Variants in FTCDNL1 observed in about 807,000 individuals in gnomAD.
The protein encoded by FTCDNL1 is formiminotransferase N-terminal subdomain-containing protein.
Under a neutral mutation model 5.9 loss-of-function variants are expected in FTCDNL1, and 11 were observed. That is an observed-to-expected ratio of 1.87 (90% CI 1.18 to 3.10). The LOEUF (loss-of-function observed/expected upper bound fraction) is 3.10. FTCDNL1 is among the 30% of genes most tolerant of loss of function. The pLI, the probability that FTCDNL1 is intolerant of heterozygous loss-of-function variation, is 0.00. For missense variants in FTCDNL1, 115 were observed against 65.5 expected, an observed-to-expected ratio of 1.76 and a Z score of -2.61; for synonymous variants, 58 against 24.8, an observed-to-expected ratio of 2.34 and a Z score of -3.99.
At position 199,812,587 on chromosome 2, in the gene FTCDNL1, C is replaced by A; in HGVS notation, c.*118G>T. On this transcript the variant is annotated 3_prime_UTR_variant, in exon 5 of 5. Transcript: ENST00000420128. ...AGAAACCTGATGTGAAAGTTTGTTTCTCAGTTTGCAGTTTCGCTCCACTCC... is the reference window on the plus strand; with the variant it reads ...AGAAACCTGATGTGAAAGTTTGTTTATCAGTTTGCAGTTTCGCTCCACTCC... 1 of 491,488 alleles carries A rather than the reference C, an allele frequency of 2.0e-6. No homozygotes were observed. The allele number at this position is 491,488 out of a possible 1,614,324, so 30.4% of individuals were successfully genotyped here. A position where few individuals can be genotyped will look rare whatever the true frequency, so the allele number is the denominator to read the frequency against.
the FTCDNL1 span, among the ~76,000 whole-genome samples, chr2:199,754,575 T>C: frequency 6.6e-6 from 1 of 152,160 alleles, no homozygotes; most frequent in Non-Finnish European, 1.5e-5. Flanking sequence ...ATTTAAGTCG[T>C]TATTTTAAGC....
intron 3 of FTCDNL1, among the ~76,000 whole-genome samples, chr2:199,830,637 C>T (rs945535514): frequency 6.6e-5 from 10 of 152,146 alleles, no homozygotes; most frequent in East Asian, 5.8e-4. Context: ...CGTCTCATTA[C>T]GCCCAGTGCT....
chr2:199,724,476 G>A, the FTCDNL1 span, among the ~76,000 whole-genome samples: 1 of 152,000 alleles, frequency 6.6e-6, no homozygotes, highest in South Asian at 2.1e-4. Flanking sequence ...TGTGACATTA[G>A]GATGTTGATT....
At chr2:199,675,879 T>G in the FTCDNL1 span, among the ~76,000 whole-genome samples, 2 of 152,184 alleles carry the variant, frequency 1.3e-5, no homozygotes, top group Non-Finnish European at 2.9e-5. Flanking sequence ...GCCTCCCAAG[T>G]AGCTGTGTCT....
At chr2:199,720,114 T>G in the FTCDNL1 span, among the ~76,000 whole-genome samples, 3 of 152,100 alleles carry the variant, frequency 2.0e-5, no homozygotes, top group Non-Finnish European at 4.4e-5. Context: ...ATCTAAGAGG[T>G]TTTTGGTGAA....
the FTCDNL1 span, among the ~76,000 whole-genome samples, chr2:199,746,805 C>T: frequency 0.01 from 1,566 of 151,094 alleles, 31 homozygotes; most frequent in African/African-American, 0.036. Flanking sequence ...AAAAATTAAA[C>T]GAAAAGCCTC....
intron 3 of FTCDNL1, among the ~76,000 whole-genome samples, chr2:199,790,650 A>G (rs867186986): frequency 6.6e-6 from 1 of 152,182 alleles, no homozygotes; most frequent in African/African-American, 2.4e-5. Context: ...TCTTAAATAA[A>G]TACTTTTTTT....
chr2:199,805,419 A>G (rs1559203229), downstream of FTCDNL1, among the ~76,000 whole-genome samples: 1 of 152,144 alleles, frequency 6.6e-6, no homozygotes, highest in Non-Finnish European at 1.5e-5. Context: ...CAACATAGCA[A>G]GGTCCTGTGT....
intron 3 of FTCDNL1, among the ~76,000 whole-genome samples, chr2:199,785,182 G>C (rs1462039804): frequency 6.7e-6 from 1 of 149,570 alleles, no homozygotes; most frequent in African/African-American, 2.5e-5. Flanking sequence ...ATACATGGGG[G>C]ATATGAAATG....
intron 4 of FTCDNL1, among the ~76,000 whole-genome samples, chr2:199,816,954 G>A (rs571278170): frequency 1.4e-4 from 22 of 152,110 alleles, no homozygotes; most frequent in Admixed American, 9.2e-4. Context: ...TATTTTGCCC[G>A]CTGGTGATAC....
the FTCDNL1 span, among the ~76,000 whole-genome samples, chr2:199,718,277 TC>T: frequency 6.6e-6 from 1 of 152,184 alleles, no homozygotes; most frequent in East Asian, 1.9e-4. Flanking sequence ...GTCCCTGTGT[TC>T]CCACTGTTTA....
the FTCDNL1 span, among the ~76,000 whole-genome samples, chr2:199,713,668 T>C: frequency 6.6e-6 from 1 of 152,244 alleles, no homozygotes; most frequent in Non-Finnish European, 1.5e-5. Flanking sequence ...TTATAATATT[T>C]GCACATTTTT....
chr2:199,690,279 A>G, the FTCDNL1 span, among the ~76,000 whole-genome samples: 1 of 152,334 alleles, frequency 6.6e-6, no homozygotes, highest in South Asian at 2.1e-4. Flanking sequence ...ATTAAAATAC[A>G]TCCACACAAA....
the FTCDNL1 span, among the ~76,000 whole-genome samples, chr2:199,684,576 T>C: frequency 6.6e-6 from 1 of 152,256 alleles, no homozygotes; most frequent in South Asian, 2.1e-4. Flanking sequence ...ACTCAGGCAA[T>C]GGGGTGGGCC....
downstream of FTCDNL1, among the ~76,000 whole-genome samples, chr2:199,759,501 C>T (rs1295003773): frequency 2.0e-5 from 3 of 151,974 alleles, no homozygotes; most frequent in Admixed American, 1.3e-4. Context: ...CAGTTAACCC[C>T]GAAGTCCTTT....
chr2:199,674,197 T>G, the FTCDNL1 span, among the ~76,000 whole-genome samples: 3 of 152,042 alleles, frequency 2.0e-5, no homozygotes, highest in Non-Finnish European at 1.5e-5. Flanking sequence ...AGAATGTCAC[T>G]GAGTAGACAA....
At chr2:199,747,309 C>T in the FTCDNL1 span, among the ~76,000 whole-genome samples, 2 of 152,058 alleles carry the variant, frequency 1.3e-5, no homozygotes, top group Non-Finnish European at 2.9e-5. Context: ...CAGGTCAGAT[C>T]GCATTATAAA....
At chr2:199,708,551 A>G in the FTCDNL1 span, among the ~76,000 whole-genome samples, 2 of 152,242 alleles carry the variant, frequency 1.3e-5, no homozygotes, top group South Asian at 4.1e-4. Flanking sequence ...CAGTTAAGTT[A>G]CCTATGAATA....
intron 3 of FTCDNL1, among the ~76,000 whole-genome samples, chr2:199,762,150 G>A (rs1469009479): frequency 1.3e-5 from 2 of 152,220 alleles, no homozygotes; most frequent in South Asian, 2.1e-4. Flanking sequence ...GGAGGCCGAG[G>A]TGGGTGGATC....
Sources: allele counts gnomAD v4.1 joint callset (sites outside exome capture counted in the v4.1 genomes callset), GRCh38; gene constraint gnomAD v4.1.1; transcripts MANE v1.5; gene names NCBI Gene and HGNC (gene_info 2026-07-23, HGNC 2026-07-21).